Variants in CATSPERB observed in about 807,000 individuals in gnomAD.
CATSPERB encodes the protein cation channel sperm-associated auxiliary subunit beta.
A neutral mutation model predicts 128.3 loss-of-function variants in CATSPERB; 93 were observed. That is an observed-to-expected ratio of 0.72 (90% CI 0.61 to 0.86). CATSPERB has a LOEUF of 0.86. Among genes scored for constraint, CATSPERB ranks in the 40% least tolerant of loss-of-function variants. The pLI is 0.00. For synonymous variants in CATSPERB, 381 were observed against 448.8 expected (o/e 0.85, Z 1.91); for missense variants, 1,153 against 1,329.5 (o/e 0.87, Z 2.06).
At chr14:91,594,345 GA>G (rs1732008415) in intron 22 of CATSPERB, among the ~76,000 whole-genome samples, 4 of 151,968 alleles carry the variant, frequency 2.6e-5, no homozygotes, top group Non-Finnish European at 4.4e-5. Flanking sequence ...GGGGATGGGG[GA>G]GGGATAGCAT....
At chr14:91,606,495 G>A (rs1275408345) in intron 22 of CATSPERB, among the ~76,000 whole-genome samples, 6 of 152,048 alleles carry the variant, frequency 3.9e-5, no homozygotes, top group African/African-American at 9.7e-5. Flanking sequence ...CCCCTGAGGC[G>A]GAGGTTGCAG....
chr14:91,632,126 T>C (rs936593898), intron 17 of CATSPERB, among the ~76,000 whole-genome samples: 8 of 152,096 alleles, frequency 5.3e-5, no homozygotes. Flanking sequence ...AAATAATAAA[T>C]GTAGTTGAAC....
intron 15 of CATSPERB, among the ~76,000 whole-genome samples, chr14:91,652,764 G>T (rs904317058): frequency 6.7e-6 from 1 of 149,786 alleles, no homozygotes; most frequent in African/African-American, 2.5e-5. Context: ...TCAACATTGT[G>T]CTCCTAACAA....
chr14:91,701,961 G>C (rs1467439071), intron 7 of CATSPERB, among the ~76,000 whole-genome samples: 1 of 151,896 alleles, frequency 6.6e-6, no homozygotes, highest in Non-Finnish European at 1.5e-5. Flanking sequence ...TTGATACTGT[G>C]AGAACTTCCT....
At chr14:91,722,968 A>AT (rs1319073413) in intron 4 of CATSPERB, 81 bp downstream of exon 4, 314 of 1,146,488 alleles carry the variant, frequency 2.7e-4, no homozygotes, top group Non-Finnish European at 3.5e-4. Context: ...TCAGCTACCT[A>AT]TTTTTTAAAA....
At chr14:91,665,976 G>A (rs967847558) in intron 14 of CATSPERB, among the ~76,000 whole-genome samples, 6 of 152,214 alleles carry the variant, frequency 3.9e-5, no homozygotes, top group African/African-American at 1.4e-4. Flanking sequence ...CCAGGTGGAA[G>A]TGATTGGATC....
At chr14:91,591,340 C>T (rs897143214) in intron 23 of CATSPERB, among the ~76,000 whole-genome samples, 1 of 152,064 alleles carries the variant, frequency 6.6e-6, no homozygotes, top group East Asian at 1.9e-4. Context: ...CAGGTGTGAG[C>T]CACCACACCC....
intron 7 of CATSPERB, among the ~76,000 whole-genome samples, chr14:91,701,607 A>G (rs932507562): frequency 6.6e-6 from 1 of 152,128 alleles, no homozygotes; most frequent in African/African-American, 2.4e-5. Flanking sequence ...AACTGATGGG[A>G]GGCCTGATGG....
chr14:91,666,133 T>C (rs1894979556), intron 14 of CATSPERB, among the ~76,000 whole-genome samples: 1 of 152,148 alleles, frequency 6.6e-6, no homozygotes, highest in Non-Finnish European at 1.5e-5. Context: ...TAATCAAGGG[T>C]ACAAGGCATC....
intron 25 of CATSPERB, 69 bp from the exon 26 acceptor site, chr14:91,587,345 T>A (rs1179489569): frequency 5.1e-6 from 6 of 1,170,366 alleles, no homozygotes; most frequent in Non-Finnish European, 7.3e-6. Flanking sequence ...TTAATAAAAA[T>A]ATACCCTGGG....
At chr14:91,722,664 T>G (rs1273528246) in intron 4 of CATSPERB, among the ~76,000 whole-genome samples, 1 of 152,146 alleles carries the variant, frequency 6.6e-6, no homozygotes, top group African/African-American at 2.4e-5. Context: ...GAATTATATC[T>G]TAATAAAGTT....
chr14:91,697,715 T>C (rs1304013826), intron 7 of CATSPERB, among the ~76,000 whole-genome samples: 1 of 152,216 alleles, frequency 6.6e-6, no homozygotes, highest in Non-Finnish European at 1.5e-5. Flanking sequence ...TTCTGGATCC[T>C]CTATTCTGTT....
intron 4 of CATSPERB, 81 bp from the exon 5 acceptor site, chr14:91,719,559 G>T: frequency 8.7e-7 from 1 of 1,144,222 alleles, no homozygotes; most frequent in Non-Finnish European, 1.3e-6. Context: ...ATTTTTAAAA[G>T]AGAATTAAAC....
intron 14 of CATSPERB, among the ~76,000 whole-genome samples, chr14:91,661,441 A>G (rs573247133): frequency 6.6e-6 from 1 of 151,394 alleles, no homozygotes; most frequent in African/African-American, 2.4e-5. Context: ...GTGAACATTC[A>G]TTTATCTGCC....
intron 14 of CATSPERB, among the ~76,000 whole-genome samples, chr14:91,664,953 A>T (rs1174467679): frequency 6.6e-6 from 1 of 152,158 alleles, no homozygotes; most frequent in Admixed American, 6.5e-5. Flanking sequence ...GCAATGGCAC[A>T]ATCTTGGCTA....
At chr14:91,623,506 T>C (rs568185003) in intron 18 of CATSPERB, among the ~76,000 whole-genome samples, 1 of 152,356 alleles carries the variant, frequency 6.6e-6, no homozygotes, top group African/African-American at 2.4e-5. Context: ...ATGCTGAAAG[T>C]CCTCAAATCT....
intron 7 of CATSPERB, among the ~76,000 whole-genome samples, chr14:91,697,496 T>C (rs1490831779): frequency 6.6e-6 from 1 of 152,214 alleles, no homozygotes; most frequent in Non-Finnish European, 1.5e-5. Flanking sequence ...ACATTAGAGA[T>C]GACAAGGTCA....
In CATSPERB at chr14:91,644,534, T is replaced by C. The variant is rs1197380680; in HGVS notation, c.1433-5284A>G. On this transcript the variant is annotated intron_variant, in intron 15 of 26. Coordinates refer to ENST00000256343, the MANE Select transcript of CATSPERB (RefSeq NM_024764.4). Reference sequence around the variant, plus strand: ...TCTTTTCTTTAAGAATGTTGAATATTGGCCCCCACTCTCTTCTGGCTTGTA... The same window carrying C: ...TCTTTTCTTTAAGAATGTTGAATATCGGCCCCCACTCTCTTCTGGCTTGTA... Among the ~76,000 whole-genome samples, 4 of 118,104 alleles carry C rather than the reference T, an allele frequency of 3.4e-5. No homozygotes were observed. In the East Asian group the frequency reaches 1.1e-3, roughly 33 times the overall value. 77.5% of individuals were successfully genotyped at this position (118,104 alleles called of 152,430 possible). A position where few individuals can be genotyped will look rare whatever the true frequency, so the allele number is the denominator to read the frequency against.
chr14:91,700,765 G>A lies in CATSPERB; in HGVS notation c.616+3787C>T, dbSNP rs191624569. 1.7e-4 allele frequency among the ~76,000 whole-genome samples: 26 copies of A among 152,156 alleles called. 1 individual carries two copies. In the East Asian group the frequency reaches 4.3e-3, roughly 25 times the overall value. On this transcript the variant is annotated intron_variant, in intron 7 of 26. Transcript: ENST00000256343. ...ACCATATGTTCTCACTTGTAGGTGG[G>A]AGCTACTCACAGACCTGAAGTATGG...
Sources: gnomAD v4.1 joint callset for allele counts (sites outside exome capture counted in the v4.1 genomes callset) on GRCh38, gnomAD v4.1.1 for gene constraint, MANE v1.5 for transcripts, NCBI Gene and HGNC (gene_info 2026-07-23, HGNC 2026-07-21) for gene names.